DLC1: variants seen among roughly 807,000 people sequenced by gnomAD.
DLC1 encodes rho GTPase-activating protein 7.
Under a neutral mutation model 140.3 loss-of-function variants are expected in DLC1, and 54 were observed. The observed-to-expected ratio is 0.38, with a 90% CI of 0.31 to 0.48. DLC1 has a LOEUF of 0.48. DLC1 is among the 20% of genes least tolerant of loss of function. The pLI is 0.96. For synonymous variants in DLC1, 986 were observed against 728.1 expected (o/e 1.35, Z -5.70); for missense variants, 2,536 against 1,907.0 (o/e 1.33, Z -6.14).
chr8:13,468,321 C>G (rs989188000), intron 2 of DLC1, among the ~76,000 whole-genome samples: 2 of 124,786 alleles, frequency 1.6e-5, no homozygotes, highest in Non-Finnish European at 3.7e-5. Context: ...TCTTTTCTCT[C>G]TCTTTCCCTT....
chr8:13,281,609 A>G (rs1047831752), intron 5 of DLC1, among the ~76,000 whole-genome samples: 2 of 152,232 alleles, frequency 1.3e-5, no homozygotes, highest in African/African-American at 4.8e-5. Context: ...CTTTACTGAC[A>G]GGCCTGGTGA....
At chr8:13,300,690 G>A (rs542748642) in intron 5 of DLC1, among the ~76,000 whole-genome samples, 4 of 152,278 alleles carry the variant, frequency 2.6e-5, no homozygotes, top group East Asian at 3.9e-4. Flanking sequence ...ATGATACTGC[G>A]TCTGAATAAC....
In DLC1 at chr8:13,169,710, C is replaced by T. The variant is rs143685785; in HGVS notation, c.1349-54053G>A. ...CTGCAGGTGTTATTGCCTTTTATTA[C>T]GTTCTGAAAGAGATTAAGAACATGG... On this transcript the variant is annotated intron_variant, in intron 5 of 17. Transcript: ENST00000276297. 4.6e-3 allele frequency among the ~76,000 whole-genome samples: 697 copies of T among 152,222 alleles called. 1 individual carries two copies. The highest frequency in any genetic ancestry group is 9.6e-3 in the Admixed American group (147 of 15,280).
intron 5 of DLC1, among the ~76,000 whole-genome samples, chr8:13,176,899 G>A (rs991752506): frequency 6.6e-6 from 1 of 152,116 alleles, no homozygotes; most frequent in Non-Finnish European, 1.5e-5. Flanking sequence ...AGAACTGGCT[G>A]TTGCTGGGTT....
intron 5 of DLC1, among the ~76,000 whole-genome samples, chr8:13,193,292 A>C (rs745441790): frequency 1.1e-4 from 16 of 152,198 alleles, no homozygotes; most frequent in Non-Finnish European, 2.4e-4. Context: ...GAAGCCTATC[A>C]GGGACAACAT....
chr8:13,352,127 T>A (rs2117035171), intron 4 of DLC1, among the ~76,000 whole-genome samples: 1 of 152,332 alleles, frequency 6.6e-6, no homozygotes, highest in East Asian at 1.9e-4. Context: ...TTAAGACAAC[T>A]GTTTACAAGA....
At chr8:13,407,757 G>A (rs1244283080) in intron 2 of DLC1, among the ~76,000 whole-genome samples, 5 of 152,254 alleles carry the variant, frequency 3.3e-5, no homozygotes, top group Non-Finnish European at 7.3e-5. Context: ...TTCCATATGT[G>A]TGTTACTGGT....
At chr8:13,482,326 C>G (rs1329755862) in intron 2 of DLC1, among the ~76,000 whole-genome samples, 1 of 132,958 alleles carries the variant, frequency 7.5e-6, no homozygotes, top group African/African-American at 2.8e-5. Flanking sequence ...ATGGTGTCTA[C>G]AAGAATGGGA....
intron 5 of DLC1, among the ~76,000 whole-genome samples, chr8:13,294,752 G>A (rs928223552): frequency 6.6e-6 from 1 of 152,128 alleles, no homozygotes; most frequent in East Asian, 1.9e-4. Context: ...ATAGCATAGC[G>A]GCTAAGAGCA....
chr8:13,113,202 A>T (rs1455157524), intron 6 of DLC1, among the ~76,000 whole-genome samples: 1 of 152,244 alleles, frequency 6.6e-6, no homozygotes, highest in Admixed American at 6.5e-5. Flanking sequence ...TGTATAGAAG[A>T]TGTTCTCTGA....
At chr8:13,327,977 G>C (rs1833440407) in intron 4 of DLC1, among the ~76,000 whole-genome samples, 1 of 152,172 alleles carries the variant, frequency 6.6e-6, no homozygotes, top group South Asian at 2.1e-4. Flanking sequence ...GGAACTACAT[G>C]TGCAAAAGTT....
intron 2 of DLC1, among the ~76,000 whole-genome samples, chr8:13,431,345 A>T (rs1279202359): frequency 1.3e-5 from 2 of 151,562 alleles, no homozygotes; most frequent in Non-Finnish European, 1.5e-5. Context: ...TAGCCGGGCG[A>T]GGTGACGGGT....
At chr8:13,118,679 G>A (rs967284758) in intron 5 of DLC1, among the ~76,000 whole-genome samples, 8 of 152,090 alleles carry the variant, frequency 5.3e-5, no homozygotes, top group African/African-American at 1.4e-4. Context: ...TCCAATGTAC[G>A]TACTGATTTT....
intron 1 of DLC1, among the ~76,000 whole-genome samples, chr8:13,551,356 G>C (rs1803843463): frequency 6.6e-6 from 1 of 152,042 alleles, no homozygotes; most frequent in Admixed American, 6.6e-5. Context: ...GGTTCAGACA[G>C]TTTTAAGGGA....
rs537430099 is a variant in DLC1 at position 13,109,591 on chromosome 8, A to G, written c.1502+1151T>C. ...AAAAAAATAAAATAAAAAACAGAAC[A>G]AAAAAAAAACAGGCTGGGTGCGGTG... On this transcript the variant is annotated intron_variant, in intron 7 of 17. Coordinates refer to ENST00000276297, the MANE Select transcript of DLC1 (RefSeq NM_182643.3). Among the ~76,000 whole-genome samples the G allele has an allele frequency of 6.1e-4, 38 of 62,434 alleles. No homozygotes were observed. The South Asian group carries it at 6.4e-3, about 10-fold the overall frequency. The allele number at this position is 62,434 out of a possible 152,430, so 41.0% of individuals were successfully genotyped here. A position where few individuals can be genotyped will look rare whatever the true frequency, so the allele number is the denominator to read the frequency against.
chr8:13,306,974 C>A (rs999104175), intron 4 of DLC1, among the ~76,000 whole-genome samples: 5 of 149,290 alleles, frequency 3.3e-5, no homozygotes, highest in South Asian at 2.1e-4. Flanking sequence ...ATCCCAGCTA[C>A]TCAGGAGGCT....
At chr8:13,419,689 C>T (rs980017347) in intron 2 of DLC1, among the ~76,000 whole-genome samples, 2 of 152,086 alleles carry the variant, frequency 1.3e-5, no homozygotes, top group Non-Finnish European at 2.9e-5. Flanking sequence ...TTGGTTGTGT[C>T]TCTGCCCAGC....
rs191323104 is a variant in DLC1 at position 13,325,549 on chromosome 8, A to C, written c.1315-20247T>G. Among the ~76,000 whole-genome samples the C allele has an allele frequency of 5.3e-3, 812 of 152,264 alleles. 10 individuals carry two copies. Among genetic ancestry groups the C allele is most frequent in the African/African-American group, 0.019 (778 of 41,554 alleles). The stretch of plus-strand genomic sequence containing the variant: ...CTGGTTGATGAGTGGGTAGTTTCTG[A>C]AGCCTGATCCTAAGGCAGAGACATA... On this transcript the variant is annotated intron_variant, in intron 4 of 17. Coordinates refer to ENST00000276297, the MANE Select transcript of DLC1 (RefSeq NM_182643.3).
intron 2 of DLC1, chr8:13,498,807 A>G (rs756687821): frequency 5.9e-5 from 24 of 405,360 alleles, no homozygotes; most frequent in Middle Eastern, 6.9e-4. Flanking sequence ...TTTCAACACA[A>G]TTCTGAAATA....
Sources: gnomAD v4.1 joint callset for allele counts (sites outside exome capture counted in the v4.1 genomes callset) on GRCh38, gnomAD v4.1.1 for gene constraint, MANE v1.5 for transcripts, NCBI Gene and HGNC (gene_info 2026-07-23, HGNC 2026-07-21) for gene names.